The following CAMTA1 variants were observed in gnomAD, a reference collection of about 807,000 sequenced individuals.
The protein encoded by CAMTA1 is calmodulin binding transcription activator 1.
In CAMTA1, 27 loss-of-function variants were observed where a neutral mutation model predicts 170.9. That is an observed-to-expected ratio of 0.16 (90% CI 0.12 to 0.22). The LOEUF is 0.22. Ranked by LOEUF, CAMTA1 falls within the 10% of genes least tolerant of loss-of-function variation. CAMTA1 has a pLI of 1.00. For synonymous variants in CAMTA1, 833 were observed against 891.5 expected (o/e 0.93, Z 1.17); for missense variants, 1,619 against 2,217.2 (o/e 0.73, Z 5.42).
intron 3 of CAMTA1, among the ~76,000 whole-genome samples, chr1:6,860,470 T>G (rs1004826566): frequency 1.3e-5 from 2 of 152,206 alleles, no homozygotes; most frequent in East Asian, 3.8e-4. Context: ...AATATGTGGT[T>G]TTTTACCTGA....
chr1:7,322,397 A>C (rs1229335510), intron 5 of CAMTA1, among the ~76,000 whole-genome samples: 1 of 152,224 alleles, frequency 6.6e-6, no homozygotes, highest in Admixed American at 6.6e-5. Context: ...TACTAGCCAT[A>C]TGATCTCTGT....
chr1:7,507,573 T>G (rs1353965645), intron 6 of CAMTA1, among the ~76,000 whole-genome samples: 1 of 152,212 alleles, frequency 6.6e-6, no homozygotes, highest in African/African-American at 2.4e-5. Flanking sequence ...TAATTGAAAG[T>G]GGCTTGACTC....
Position 7,590,586 on chromosome 1 carries a change from C to T in CAMTA1, c.511-49814C>T, listed in dbSNP as rs748001417. ...AGCTGGAGGTGCCCCCACCCACTAG[C>T]ATACTTGGGGTGGGCGGTTGGCTGA... On this transcript the variant is annotated intron_variant, in intron 6 of 22. Transcript: ENST00000303635. Among the ~76,000 whole-genome samples, 47 of 152,246 alleles carry T rather than the reference C, an allele frequency of 3.1e-4. 1 individual carries two copies. Among genetic ancestry groups the T allele is most frequent in the Non-Finnish European group, 3.7e-4 (25 of 68,036 alleles).
At chr1:6,982,803 C>T (rs1694663710) in intron 3 of CAMTA1, among the ~76,000 whole-genome samples, 1 of 151,826 alleles carries the variant, frequency 6.6e-6, no homozygotes, top group Non-Finnish European at 1.5e-5. Flanking sequence ...AAGGTGCTGG[C>T]CGTAGAGGGG....
At chr1:7,511,024 T>A (rs551786783) in intron 6 of CAMTA1, among the ~76,000 whole-genome samples, 1 of 145,070 alleles carries the variant, frequency 6.9e-6, no homozygotes, top group East Asian at 2.2e-4. Flanking sequence ...TCTCCGTGTG[T>A]GTTACTCCTT....
rs898753865 is a variant in CAMTA1, at chr1:7,010,477, C to A, written c.235-80827C>A. ...GGAGACGCTTTCTGAACACAGTCTG[C>A]GTCCTTCCTTATTTTTTGTTATCTT... On this transcript the variant is annotated intron_variant, in intron 3 of 22. Coordinates refer to ENST00000303635, the MANE Select transcript of CAMTA1 (RefSeq NM_015215.4). This position sits in a 1 kb window ranked among gnomAD's most constrained non-coding sequence, Gnocchi z 4.4. 6.6e-6 allele frequency among the ~76,000 whole-genome samples: 1 copy of A among 152,220 alleles called. No homozygotes were observed. Among genetic ancestry groups the A allele is most frequent in the Non-Finnish European group, 1.5e-5 (1 of 68,038 alleles).
chr1:7,371,803 A>G (rs2086493676), intron 5 of CAMTA1, among the ~76,000 whole-genome samples: 1 of 152,238 alleles, frequency 6.6e-6, no homozygotes, highest in Non-Finnish European at 1.5e-5. Context: ...CTTCTGGTTC[A>G]GTGGTTCTCC....
Position 7,201,068 on chromosome 1 carries a change from G to A in CAMTA1, c.303-48423G>A, listed in dbSNP as rs12041504. Among the ~76,000 whole-genome samples, 573 of 152,134 alleles carry A rather than the reference G, an allele frequency of 3.8e-3. 10 individuals are homozygous for A. In the East Asian group the frequency reaches 0.053, roughly 14 times the overall value. ...TATCTCCCCATCCACACTCCCCACC[G>A]CCAGCCCTCTGCAAACATTAATCCA... On this transcript the variant is annotated intron_variant, in intron 4 of 22. Coordinates refer to ENST00000303635, the MANE Select transcript of CAMTA1 (RefSeq NM_015215.4).
rs1233149008 is a variant in CAMTA1, at chr1:7,747,759, G to A, written c.4667G>A (p.Arg1556His). The stretch of plus-strand genomic sequence containing the variant: ...GAAGTAGCTGCTGCTGTTATTCAGC[G>A]TTGTTACAGAAAATATAAACAGGTA... ...QQEVAAAVIQ[R>H]CYRKYKQYAL... is the part of the protein sequence containing the mutation. Residue 1556 changes from arginine to histidine, a missense_variant, in exon 19 of 23, where the codon CGT (arginine) becomes CAT (histidine). By Grantham distance (29) the Arg-to-His change is conservative (BLOSUM62 0). Transcript: ENST00000303635. 12 of 1,612,408 alleles carry A rather than the reference G, an allele frequency of 7.4e-6. No homozygotes were observed. Among genetic ancestry groups the A allele is most frequent in the Admixed American group, 6.7e-5 (4 of 59,764 alleles).
intron 5 of CAMTA1, among the ~76,000 whole-genome samples, chr1:7,360,765 G>A (rs766157750): frequency 6.6e-6 from 1 of 152,240 alleles, no homozygotes; most frequent in Non-Finnish European, 1.5e-5. Flanking sequence ...AGGATTTGCA[G>A]CAAGGGAAGG....
chr1:6,814,027 A>G (rs902043781), intron 1 of CAMTA1, among the ~76,000 whole-genome samples: 9 of 152,204 alleles, frequency 5.9e-5, no homozygotes, highest in African/African-American at 2.2e-4. Context: ...GTTATGTACC[A>G]GACATTGTAT....
intron 4 of CAMTA1, among the ~76,000 whole-genome samples, chr1:7,123,966 C>T (rs1573250919): frequency 6.6e-6 from 1 of 152,090 alleles, no homozygotes; most frequent in Non-Finnish European, 1.5e-5. Context: ...TTGGGCTGGA[C>T]GTTCCCATGA....
At chr1:7,729,306 G>T (rs748444392) in intron 11 of CAMTA1, among the ~76,000 whole-genome samples, 1 of 152,022 alleles carries the variant, frequency 6.6e-6, no homozygotes, top group African/African-American at 2.4e-5. Flanking sequence ...TTTTAGTAGA[G>T]ACTGGGTTTC....
chr1:7,739,191 G>A (rs948310166), intron 16 of CAMTA1, among the ~76,000 whole-genome samples: 1 of 147,224 alleles, frequency 6.8e-6, no homozygotes, highest in African/African-American at 2.5e-5. Flanking sequence ...TCCCATTGAT[G>A]CAACCTAAAA....
In CAMTA1 at chr1:7,677,708, C is replaced by T; in HGVS notation, c.2889C>T (p.Ser963=). The change falls in exon 11 of 23, where the codon TCC becomes TCT. Residue 963 remains serine, a synonymous_variant. Transcript: ENST00000303635. The part of the protein sequence containing the change: ...KARALPTLPS[S]QHDWLSLDDN... ...GGGCTCTGCCCACGCTCCCTTCCTC[C>T]CAGCACGACTGGCTGTCGTTGGACG... 6.2e-7 allele frequency: 1 copy of T among 1,614,028 alleles called. No homozygotes were observed. Among genetic ancestry groups the T allele is most frequent in the Non-Finnish European group, 8.5e-7 (1 of 1,179,968 alleles).
chr1:7,553,214 AG>A (rs1480980214), intron 6 of CAMTA1, among the ~76,000 whole-genome samples: 40 of 146,140 alleles, frequency 2.7e-4, no homozygotes, highest in African/African-American at 8.9e-4. Context: ...TGAGTGAATA[AG>A]TGAGTGAATG....
chr1:7,009,438 G>C (rs142171207), intron 3 of CAMTA1, among the ~76,000 whole-genome samples: 1 of 152,184 alleles, frequency 6.6e-6, no homozygotes, highest in Non-Finnish European at 1.5e-5. Flanking sequence ...GCCCTTGCCT[G>C]CCTGGGCCTC....
chr1:7,131,886 C>T lies in CAMTA1; in HGVS notation c.302+40515C>T, dbSNP rs946084217. ...GCCTGGCCAACATGGTGAAACCCCA[C>T]CTCTACTAAAAATACAAAAATTAGC... On this transcript the variant is annotated intron_variant, in intron 4 of 22. Transcript: ENST00000303635. Among the ~76,000 whole-genome samples, 4 of 151,856 alleles carry T rather than the reference C, an allele frequency of 2.6e-5. No homozygotes were observed. The South Asian group carries it at 8.3e-4, about 32-fold the overall frequency.
In CAMTA1 at chr1:7,562,484, C is replaced by T. The variant is rs181967485; in HGVS notation, c.511-77916C>T. ...CGCATTCTTCCCCCAGGCTGGCAGA[C>T]GGCTCTGCCCACTCCCGCCCGCCTG... On this transcript the variant is annotated intron_variant, in intron 6 of 22. Coordinates refer to ENST00000303635, the MANE Select transcript of CAMTA1 (RefSeq NM_015215.4). The surrounding 1 kb of genome is among the most constrained non-coding windows in gnomAD (Gnocchi z 4.8). 5.3e-5 allele frequency among the ~76,000 whole-genome samples: 8 copies of T among 152,270 alleles called. No individual in the cohort carries two copies. Among genetic ancestry groups the T allele is most frequent in the Middle Eastern group, 6.8e-3 (2 of 294 alleles).
Sources: gnomAD v4.1 joint callset for allele counts (sites outside exome capture counted in the v4.1 genomes callset) on GRCh38, gnomAD v4.1.1 for gene constraint, Gnocchi (gnomAD v3.1) non-coding constraint, MANE v1.5 for transcripts, NCBI Gene and HGNC (gene_info 2026-07-23, HGNC 2026-07-21) for gene names.